The following ZFAND6 variants were observed in gnomAD, a reference collection of about 807,000 sequenced individuals.
The protein encoded by ZFAND6 is zinc finger AN1-type containing 6.
In ZFAND6, 12 loss-of-function variants were observed where a neutral mutation model predicts 24.5. The ratio of observed to expected loss-of-function variants is 0.49; its 90% CI spans 0.31 to 0.79. The LOEUF is 0.79. Among genes scored for constraint, ZFAND6 ranks in the 30% least tolerant of loss-of-function variants. The pLI, the probability that ZFAND6 is intolerant of heterozygous loss-of-function variation, is 0.04. For synonymous variants in ZFAND6, 92 were observed against 81.5 expected (o/e 1.13, Z -0.69); for missense variants, 207 against 245.9 (o/e 0.84, Z 1.06).
chr15:80,092,862 T>C (rs1484268003), intron 1 of ZFAND6, among the ~76,000 whole-genome samples: 1 of 152,200 alleles, frequency 6.6e-6, no homozygotes, highest in Non-Finnish European at 1.5e-5. Context: ...AAAATACTTT[T>C]ATATTTAGCT....
intron 1 of ZFAND6, among the ~76,000 whole-genome samples, chr15:80,085,460 G>C (rs751452913): frequency 6.6e-6 from 1 of 152,018 alleles, no homozygotes; most frequent in South Asian, 2.1e-4. Context: ...CAGAGCTTTC[G>C]TAATCAACTC....
Position 80,120,540 on chromosome 15 carries a change from A to G in ZFAND6, c.154+42A>G, listed in dbSNP as rs202113689. The G allele has an allele frequency of 1.1e-5, 16 of 1,426,196 alleles. No individual in the cohort carries two copies. In the East Asian group the frequency reaches 3.8e-4, roughly 34 times the overall value. The allele number at this position is 1,426,196 out of a possible 1,614,324, so 88.3% of individuals were successfully genotyped here. A position where few individuals can be genotyped will look rare whatever the true frequency, so the allele number is the denominator to read the frequency against. ...AAACCCGTCTATATTCATAATTGAA[A>G]TACAAGTGGATATTTCGGTATACCC... On this transcript the variant is annotated intron_variant, in intron 3 of 6. Coordinates refer to ENST00000261749, the MANE Select transcript of ZFAND6 (RefSeq NM_019006.4).
intron 5 of ZFAND6, chr15:80,129,502 G>A (rs568505648): frequency 9.8e-5 from 15 of 152,352 alleles, no homozygotes; most frequent in Middle Eastern, 3.4e-3. Flanking sequence ...TTCAGATGGG[G>A]AATAAGGTAA....
chr15:80,134,544 G>A (rs1464483669), intron 6 of ZFAND6, among the ~76,000 whole-genome samples: 1 of 152,228 alleles, frequency 6.6e-6, no homozygotes, highest in African/African-American at 2.4e-5. Flanking sequence ...AGAAAAAGAT[G>A]TGAAAGCTCT....
At chr15:80,132,887 A>T (rs1305501183) in intron 6 of ZFAND6, among the ~76,000 whole-genome samples, 2 of 151,956 alleles carry the variant, frequency 1.3e-5, no homozygotes, top group Non-Finnish European at 2.9e-5. Context: ...TTTCAAGAAA[A>T]ATGAATGATG....
At chr15:80,064,847 G>T (rs1271847282) in intron 1 of ZFAND6, among the ~76,000 whole-genome samples, 1 of 151,940 alleles carries the variant, frequency 6.6e-6, no homozygotes, top group Non-Finnish European at 1.5e-5. Flanking sequence ...GCCCAGAATG[G>T]TTTCAAACTC....
chr15:80,127,609 A>AAC (rs1169646846), intron 5 of ZFAND6, among the ~76,000 whole-genome samples: 3 of 151,480 alleles, frequency 2.0e-5, no homozygotes, highest in Admixed American at 1.3e-4. Flanking sequence ...AAAAAAAAAA[A>AAC]AAAAAACCAT....
intron 5 of ZFAND6, among the ~76,000 whole-genome samples, chr15:80,126,069 A>G (rs974765929): frequency 2.0e-5 from 3 of 152,230 alleles, no homozygotes; most frequent in Non-Finnish European, 4.4e-5. Flanking sequence ...TAAGGTCTAC[A>G]TCACTGAAGC....
intron 2 of ZFAND6, among the ~76,000 whole-genome samples, chr15:80,109,530 C>G (rs758343402): frequency 3.3e-5 from 5 of 152,082 alleles, no homozygotes; most frequent in Non-Finnish European, 5.9e-5. Context: ...AGGCCTCAGA[C>G]AGGAAAATAC....
intron 5 of ZFAND6, among the ~76,000 whole-genome samples, chr15:80,124,080 T>C (rs1392397767): frequency 1.3e-5 from 2 of 152,198 alleles, no homozygotes. Context: ...AGTGAATAAT[T>C]CTTATTTCTT....
intron 2 of ZFAND6, among the ~76,000 whole-genome samples, chr15:80,106,007 G>A (rs1490003786): frequency 1.3e-5 from 2 of 152,166 alleles, no homozygotes; most frequent in African/African-American, 4.8e-5. Context: ...TGTTTGTGCA[G>A]ATACGTGAAA....
At chr15:80,076,412 G>A (rs764778014) in intron 1 of ZFAND6, among the ~76,000 whole-genome samples, 1 of 151,746 alleles carries the variant, frequency 6.6e-6, no homozygotes, top group Non-Finnish European at 1.5e-5. Flanking sequence ...TTAGCATAAG[G>A]CCACACGGTA....
chr15:80,065,196 G>A (rs1306992560), intron 1 of ZFAND6, among the ~76,000 whole-genome samples: 1 of 149,790 alleles, frequency 6.7e-6, no homozygotes, highest in South Asian at 2.2e-4. Context: ...GTTCATCTGG[G>A]ATTTATTTTG....
At chr15:80,091,163 G>GTGTGTGTGTA (rs1567065876) in intron 1 of ZFAND6, among the ~76,000 whole-genome samples, 1 of 146,708 alleles carries the variant, frequency 6.8e-6, no homozygotes, top group Non-Finnish European at 1.5e-5. Flanking sequence ...GTTAAGGGGT[G>GTGTGTGTGTA]TGTGTGTGTG....
intron 1 of ZFAND6, among the ~76,000 whole-genome samples, chr15:80,088,016 C>T (rs1008972087): frequency 1.3e-5 from 2 of 151,624 alleles, no homozygotes; most frequent in African/African-American, 4.8e-5. Context: ...CAAGAATATT[C>T]TCTTACACAG....
At chr15:80,087,845 T>TG (rs2141883041) in intron 1 of ZFAND6, among the ~76,000 whole-genome samples, 1 of 152,284 alleles carries the variant, frequency 6.6e-6, no homozygotes, top group South Asian at 2.1e-4. Flanking sequence ...TTACTTTCCT[T>TG]GGGGGTGTAT....
intron 5 of ZFAND6, chr15:80,129,877 T>C (rs1472878146): frequency 1.3e-5 from 2 of 152,208 alleles, no homozygotes; most frequent in Admixed American, 1.3e-4. Flanking sequence ...GTATTTTGTA[T>C]GGAAAGCACA....
intron 5 of ZFAND6, among the ~76,000 whole-genome samples, chr15:80,125,336 G>C (rs1276079380): frequency 6.6e-6 from 1 of 152,094 alleles, no homozygotes; most frequent in Non-Finnish European, 1.5e-5. Flanking sequence ...CTTCCCTCAA[G>C]GGAAATTTAT....
At chr15:80,113,249 A>G (rs2039699746) in intron 2 of ZFAND6, among the ~76,000 whole-genome samples, 1 of 152,198 alleles carries the variant, frequency 6.6e-6, no homozygotes, top group East Asian at 1.9e-4. Context: ...GCCCTAGCTG[A>G]TGGGTTTTAA....
Sources: gnomAD v4.1 joint callset for allele counts (sites outside exome capture counted in the v4.1 genomes callset) on GRCh38, gnomAD v4.1.1 for gene constraint, MANE v1.5 for transcripts, NCBI Gene and HGNC (gene_info 2026-07-23, HGNC 2026-07-21) for gene names.